HS1BP3: variants seen among roughly 807,000 people sequenced by gnomAD.
The protein encoded by HS1BP3 is HCLS1 binding protein 3.
Under a neutral mutation model 33.5 loss-of-function variants are expected in HS1BP3, and 32 were observed. The ratio of observed to expected loss-of-function variants is 0.95; its 90% CI spans 0.72 to 1.28. The LOEUF is 1.28. Ranked by LOEUF, HS1BP3 falls within the 50% of genes most tolerant of loss-of-function variation. The pLI, the probability that HS1BP3 is intolerant of heterozygous loss-of-function variation, is 0.00. For synonymous variants in HS1BP3, 187 were observed against 209.2 expected (o/e 0.89, Z 0.92); for missense variants, 486 against 502.3 (o/e 0.97, Z 0.31).
chr2:20,610,970 T>G (rs1368487125), intron 2 of HS1BP3, among the ~76,000 whole-genome samples: 1 of 152,194 alleles, frequency 6.6e-6, no homozygotes, highest in African/African-American at 2.4e-5. Flanking sequence ...GTCCTGCCCA[T>G]CCCCAGCCCC....
At chr2:20,569,092 G>A (rs61205504) in intron 5 of HS1BP3, among the ~76,000 whole-genome samples, 18,709 of 152,024 alleles carry the variant, frequency 0.12, 1,966 homozygotes, top group African/African-American at 0.3. Flanking sequence ...CAGCTCAGCC[G>A]CAGCCCAGCC....
At chr2:20,622,063 C>A in intron 6 of HS1BP3, 2 of 611,534 alleles carry the variant, frequency 3.3e-6, no homozygotes, top group Non-Finnish European at 4.8e-6. Context: ...CCTGGTGTGG[C>A]TGCACAGCCA....
At chr2:20,601,238 C>T (rs1342998607) in intron 2 of HS1BP3, among the ~76,000 whole-genome samples, 2 of 152,216 alleles carry the variant, frequency 1.3e-5, no homozygotes, top group African/African-American at 4.8e-5. Flanking sequence ...CTTCAGATTA[C>T]TTCCCTTACT....
chr2:20,641,280 A>AG, intron 2 of HS1BP3, 100 bp from the exon 3 acceptor site: 1 of 1,108,238 alleles, frequency 9.0e-7, no homozygotes, highest in Non-Finnish European at 1.3e-6. Context: ...AGCCAAAGGA[A>AG]GTGTGCCAGG....
intron 5 of HS1BP3, among the ~76,000 whole-genome samples, chr2:20,585,810 T>C (rs1406392355): frequency 2.0e-5 from 3 of 152,220 alleles, no homozygotes; most frequent in Non-Finnish European, 4.4e-5. Flanking sequence ...AGCCCCGTCA[T>C]GGGATGAATA....
chr2:20,605,824 C>A (rs1558331574), intron 2 of HS1BP3, among the ~76,000 whole-genome samples: 1 of 152,180 alleles, frequency 6.6e-6, no homozygotes, highest in Non-Finnish European at 1.5e-5. Context: ...GATGGATAAA[C>A]CACATTTTGT....
chr2:20,561,339 T>C (rs944665590), intron 5 of HS1BP3, among the ~76,000 whole-genome samples: 1 of 152,224 alleles, frequency 6.6e-6, no homozygotes, highest in African/African-American at 2.4e-5. Context: ...ACTCAGGGCC[T>C]GCAGAGAACA....
chr2:20,565,415 A>G (rs1482609765), intron 5 of HS1BP3, among the ~76,000 whole-genome samples: 2 of 152,130 alleles, frequency 1.3e-5, no homozygotes, highest in Admixed American at 1.3e-4. Context: ...ACCACTCTGA[A>G]TGCCATCCCC....
chr2:20,629,112 G>C lies in HS1BP3; in HGVS notation c.624-4220C>G, dbSNP rs1314324561. On this transcript the variant is annotated intron_variant, in intron 4 of 6. Transcript: ENST00000304031. ...GGTGATCGGCTGACAGAAGGGAATT[G>C]TCTAAGGTGATGACAGGTTTCTGAT... Among the ~76,000 whole-genome samples, 3 of 152,218 alleles carry C rather than the reference G, an allele frequency of 2.0e-5. No homozygotes were observed. In the East Asian group the frequency reaches 5.8e-4, roughly 29 times the overall value.
chr2:20,553,934 G>A, the HS1BP3 span, among the ~76,000 whole-genome samples: 1 of 152,220 alleles, frequency 6.6e-6, no homozygotes, highest in African/African-American at 2.4e-5. Context: ...TCTGGTGGAA[G>A]CCATGAGATT....
At chr2:20,557,133 C>A (rs139263997), downstream of HS1BP3, among the ~76,000 whole-genome samples, 209 of 152,296 alleles carry the variant, frequency 1.4e-3, no homozygotes, top group South Asian at 8.5e-3. Context: ...CTCTCTGATC[C>A]CATTGACCTC....
intron 5 of HS1BP3, among the ~76,000 whole-genome samples, chr2:20,566,311 C>G (rs941114941): frequency 6.6e-6 from 1 of 152,262 alleles, no homozygotes; most frequent in Admixed American, 6.5e-5. Context: ...TGGGCTGACT[C>G]CTTCCCAGCT....
rs1243574663 is a variant in HS1BP3, at chr2:20,579,390, C to T, written c.303-18875G>A. 2.0e-5 allele frequency among the ~76,000 whole-genome samples: 3 copies of T among 152,256 alleles called. No homozygotes were observed. In the South Asian group the frequency reaches 6.2e-4, roughly 32 times the overall value. The stretch of plus-strand genomic sequence containing the variant: ...TTCGAGAGACAGGGCTTCCCCAGAT[C>T]CAGCCTGATGAGATCATCTGCCATT... On this transcript the variant is annotated intron_variant, in intron 5 of 5. Coordinates refer to the HS1BP3 transcript ENST00000446825.
intron 5 of HS1BP3, chr2:20,586,760 A>C (rs894719515): frequency 6.6e-6 from 1 of 152,272 alleles, no homozygotes; most frequent in Non-Finnish European, 1.5e-5. Context: ...TAAATCCATC[A>C]AAACCTTGTT....
In HS1BP3 at chr2:20,641,162, C is replaced by T. The variant is rs760092147; in HGVS notation, c.217G>A (p.Glu73Lys). The T allele has an allele frequency of 1.5e-5, 24 of 1,607,048 alleles. No individual in the cohort carries two copies. Among genetic ancestry groups the T allele is most frequent in the Non-Finnish European group, 1.9e-5 (22 of 1,179,896 alleles). ...VQFLVSKKYS[E>K]IEEFYQKLSS... ...AGTTTCTGGTAAAACTCCTCAATCTCGCTGTACTTTTTGGAGACCTGGAAT... is the reference window on the plus strand; with the variant it reads ...AGTTTCTGGTAAAACTCCTCAATCTTGCTGTACTTTTTGGAGACCTGGAAT... The change falls in exon 3 of 7, where the codon GAG (glutamate) becomes AAG (lysine). Residue 73 changes from glutamate (E) to lysine (K), a missense_variant. Physicochemically the swap from Glu to Lys is moderately conservative, Grantham distance 56. Coordinates refer to ENST00000304031, the MANE Select transcript of HS1BP3 (RefSeq NM_022460.4).
intron 4 of HS1BP3, among the ~76,000 whole-genome samples, chr2:20,625,549 C>T (rs1694753250): frequency 6.6e-6 from 1 of 152,208 alleles, no homozygotes; most frequent in Admixed American, 6.5e-5. Context: ...CTTATTGTTT[C>T]CTTTGCATGG....
At chr2:20,581,816 T>C (rs963011967) in intron 5 of HS1BP3, among the ~76,000 whole-genome samples, 6 of 152,220 alleles carry the variant, frequency 3.9e-5, no homozygotes, top group Admixed American at 3.9e-4. Flanking sequence ...ATGCACTACC[T>C]TGCAGCTGTA....
intron 3 of HS1BP3, 37 bp downstream of exon 3, chr2:20,640,936 G>T: frequency 6.2e-7 from 1 of 1,602,486 alleles, no homozygotes; most frequent in Non-Finnish European, 8.6e-7. Flanking sequence ...TTCTGGGCCG[G>T]GGAGACCTGA....
chr2:20,639,611 T>C (rs2149301107), intron 3 of HS1BP3, among the ~76,000 whole-genome samples: 1 of 152,394 alleles, frequency 6.6e-6, no homozygotes, highest in South Asian at 2.1e-4. Flanking sequence ...TCTGTTATTT[T>C]ACTTGGACAA....
Sources: allele counts gnomAD v4.1 joint callset (sites outside exome capture counted in the v4.1 genomes callset), GRCh38; gene constraint gnomAD v4.1.1; transcripts MANE v1.5; gene names NCBI Gene and HGNC (gene_info 2026-07-23, HGNC 2026-07-21).